Variants in DMD observed in about 807,000 individuals in gnomAD.
The protein encoded by DMD is mutant dystrophin.
In DMD, 63 loss-of-function variants were observed where a neutral mutation model predicts 330.1. That is an observed-to-expected ratio of 0.19 (90% CI 0.16 to 0.24). The LOEUF is 0.24. Among genes scored for constraint, DMD ranks in the 10% least tolerant of loss-of-function variants. DMD has a pLI of 1.00. For synonymous variants in DMD, 1,223 were observed against 959.8 expected, an observed-to-expected ratio of 1.27 and a Z score of -5.07; for missense variants, 3,344 against 2,684.1, an observed-to-expected ratio of 1.25 and a Z score of -5.43.
At chrX:32,803,701 C>T (rs1259850523) in intron 7 of DMD, among the ~76,000 whole-genome samples, 2 of 111,927 alleles carry the variant, frequency 1.8e-5, no homozygotes, top group Non-Finnish European at 3.8e-5. Context: ...TTTATTTCTG[C>T]CTTAATTTCA....
chrX:32,187,178 T>C (rs979074944), intron 44 of DMD, among the ~76,000 whole-genome samples: 7 of 110,978 alleles, frequency 6.3e-5, no homozygotes, highest in Non-Finnish European at 9.5e-5. Context: ...ACCTTCACAC[T>C]TCCGAGACAG....
chrX:31,360,058 AT>A lies in DMD; in HGVS notation c.9085-11425del, dbSNP rs1218069011. Among the ~76,000 whole-genome samples, 203 of 103,110 alleles carry A rather than the reference AT, an allele frequency of 2.0e-3. 2 individuals are homozygous for A. Among genetic ancestry groups the A allele is most frequent in the Admixed American group, 1.7e-3 (16 of 9,535 alleles). 89.5% of individuals were successfully genotyped at this position (103,110 alleles called of 115,157 possible). Reference sequence around the variant, plus strand: ...CTGGGTGACAAGAGTAGAATGAGCAATTTTTTTTTTTTTGGCACTAGTAAAG... The same window carrying A: ...CTGGGTGACAAGAGTAGAATGAGCAATTTTTTTTTTTTGGCACTAGTAAAG... On this transcript the variant is annotated intron_variant, in intron 60 of 78. Transcript: ENST00000357033.
intron 2 of DMD, among the ~76,000 whole-genome samples, chrX:33,002,527 T>C (rs1416804635): frequency 1.8e-5 from 2 of 109,808 alleles, no homozygotes; most frequent in South Asian, 3.9e-4. Flanking sequence ...TAGAGTTACA[T>C]AGGACACTCT....
At chrX:32,991,894 A>G (rs781073603) in intron 2 of DMD, among the ~76,000 whole-genome samples, 1 of 112,359 alleles carries the variant, frequency 8.9e-6, no homozygotes, top group South Asian at 3.6e-4. Flanking sequence ...CCAAAAACTA[A>G]CTAGAAAAAT....
intron 19 of DMD, among the ~76,000 whole-genome samples, chrX:32,499,684 A>G (rs190735807): frequency 3.6e-4 from 40 of 111,346 alleles, no homozygotes; most frequent in Non-Finnish European, 2.5e-4. Context: ...CTGGACTCCT[A>G]GTTTACAGAA....
intron 9 of DMD, among the ~76,000 whole-genome samples, chrX:32,661,837 T>G (rs2147094399): frequency 9.0e-6 from 1 of 111,420 alleles, no homozygotes; most frequent in African/African-American, 3.2e-5. Context: ...GCCTTAAAAT[T>G]TACTCACATT....
intron 2 of DMD, among the ~76,000 whole-genome samples, chrX:32,978,139 C>G (rs2092605863): frequency 1.8e-5 from 2 of 111,509 alleles, no homozygotes; most frequent in African/African-American, 3.3e-5. Flanking sequence ...TTTTCATGAA[C>G]TGGGCGGACT....
intron 2 of DMD, among the ~76,000 whole-genome samples, chrX:32,867,506 A>T: frequency 8.9e-6 from 1 of 112,471 alleles, no homozygotes; most frequent in Non-Finnish European, 1.9e-5. Flanking sequence ...ACATTTCAAT[A>T]GGAAAAATTA....
At chrX:32,859,423 G>A (rs1186687782) in intron 2 of DMD, among the ~76,000 whole-genome samples, 2 of 107,469 alleles carry the variant, frequency 1.9e-5, no homozygotes, top group Non-Finnish European at 3.8e-5. Context: ...AGCCGAGATC[G>A]TGCCACTGCA....
chrX:31,496,711 C>T (rs751303123), intron 57 of DMD, 77 bp downstream of exon 57: 2 of 1,125,466 alleles, frequency 1.8e-6, no homozygotes, highest in African/African-American at 1.8e-5. Context: ...TAATTTCAAA[C>T]AAAATTAATT....
chrX:32,078,185 A>G (rs1603624234), intron 44 of DMD, among the ~76,000 whole-genome samples: 1 of 112,113 alleles, frequency 8.9e-6, no homozygotes, highest in African/African-American at 3.2e-5. Flanking sequence ...TTACTTTATA[A>G]TATTCTACAT....
intron 2 of DMD, among the ~76,000 whole-genome samples, chrX:32,852,131 C>A (rs1209966713): frequency 1.8e-5 from 2 of 111,517 alleles, no homozygotes; most frequent in African/African-American, 6.5e-5. Flanking sequence ...AGAGAGACTG[C>A]TTCTTCCACT....
intron 52 of DMD, among the ~76,000 whole-genome samples, chrX:31,695,895 A>G (rs192963244): frequency 2.7e-5 from 3 of 111,081 alleles, no homozygotes; most frequent in East Asian, 2.8e-4. Flanking sequence ...GTCATATTGT[A>G]TATTTCCAAA....
At chrX:33,277,978 G>T (rs1028315072) in intron 1 of DMD, among the ~76,000 whole-genome samples, 2 of 110,282 alleles carry the variant, frequency 1.8e-5, no homozygotes, top group African/African-American at 6.6e-5. Flanking sequence ...GGTGGTGTGT[G>T]CCTGTAGTCC....
chrX:31,531,550 G>C (rs2073832308), intron 55 of DMD, among the ~76,000 whole-genome samples: 1 of 85,801 alleles, frequency 1.2e-5, no homozygotes, highest in Admixed American at 1.5e-4. Context: ...AAATTTGTTT[G>C]AGTTCATTGT....
At chrX:32,546,877 T>C (rs954541436) in intron 16 of DMD, among the ~76,000 whole-genome samples, 2 of 111,510 alleles carry the variant, frequency 1.8e-5, no homozygotes, top group African/African-American at 3.2e-5. Flanking sequence ...AACTCAAACA[T>C]TGCACCCAAC....
chrX:32,167,568 CA>C (rs1246277789), intron 44 of DMD, among the ~76,000 whole-genome samples: 1 of 112,288 alleles, frequency 8.9e-6, no homozygotes, highest in Non-Finnish European at 1.9e-5. Flanking sequence ...TGAGCACTTC[CA>C]GTTAGTCTGA....
At chrX:32,418,452 CTT>C (rs1238103615) in intron 29 of DMD, among the ~76,000 whole-genome samples, 1 of 111,483 alleles carries the variant, frequency 9.0e-6, no homozygotes, top group African/African-American at 3.3e-5. Flanking sequence ...TATGTTGATG[CTT>C]TTGTCTCATG....
At chrX:32,901,664 A>C (rs1195129016) in intron 2 of DMD, among the ~76,000 whole-genome samples, 4 of 111,034 alleles carry the variant, frequency 3.6e-5, no homozygotes, top group Non-Finnish European at 7.5e-5. Flanking sequence ...CCTTTTTAAA[A>C]TTTTTCATAA....
Sources: gnomAD v4.1 joint callset for allele counts (sites outside exome capture counted in the v4.1 genomes callset) on GRCh38, gnomAD v4.1.1 for gene constraint, MANE v1.5 for transcripts, NCBI Gene and HGNC (gene_info 2026-07-23, HGNC 2026-07-21) for gene names.